The following MEF2A variants were observed in gnomAD, a reference collection of about 807,000 sequenced individuals.
The protein encoded by MEF2A is myocyte-specific enhancer factor 2A.
In MEF2A, 28 loss-of-function variants were observed where a neutral mutation model predicts 55.8. The ratio of observed to expected loss-of-function variants is 0.50; its 90% confidence interval spans 0.37 to 0.69. MEF2A has a LOEUF of 0.69. Among genes scored for constraint, MEF2A ranks in the 30% least tolerant of loss-of-function variants. The probability of loss-of-function intolerance (pLI) is 0.00; values close to 1 mark genes in which losing one functional copy is unlikely to be tolerated. For missense variants in MEF2A, 528 were observed against 626.2 expected (o/e 0.84, Z 1.67); for synonymous variants, 239 against 227.1 (o/e 1.05, Z -0.47).
In MEF2A at chr15:99,712,672, C is replaced by T. The variant is rs752786067; in HGVS notation, c.1419C>T (p.Gly473=). 14 of 1,558,024 alleles carry T rather than the reference C, an allele frequency of 9.0e-6. No individual in the cohort carries two copies. The highest frequency in any genetic ancestry group is 7.2e-5 in the East Asian group (3 of 41,398). ...YDGSDREDPR[G]DFHSPIVLGR... Reference sequence around the variant, plus strand: ...GCAGTGATCGGGAGGATCCACGGGGCGACTTCCATTCTCCAATTGTGCTTG... The same window carrying T: ...GCAGTGATCGGGAGGATCCACGGGGTGACTTCCATTCTCCAATTGTGCTTG... The change falls in exon 12 of 12, where the codon GGC becomes GGT. Residue 473 remains glycine (G), a synonymous_variant. Transcript: ENST00000557942. This position sits in a 1 kb window ranked among gnomAD's most constrained non-coding sequence, Gnocchi z 4.1.
In MEF2A at chr15:99,712,395, G is replaced by C. The variant is rs886153299; in HGVS notation, c.1142G>C (p.Gly381Ala). ...CTCTCTTTTTTTTCCTTCAGTGCTGGAGGGCAGTTATCTCAGGGTTCCAAT... is the reference window on the plus strand; with the variant it reads ...CTCTCTTTTTTTTCCTTCAGTGCTGCAGGGCAGTTATCTCAGGGTTCCAAT... Reference protein sequence around the residue: ...GQAALSSLVAGGQLSQGSNLS... With the variant: ...GQAALSSLVAAGQLSQGSNLS... Residue 381 changes from glycine to alanine, a missense_variant, in exon 12 of 12, where the codon GGA (glycine) becomes GCA (alanine). Around this residue, in one of 2 missense-constraint regions of MEF2A, gnomAD observed 450 missense variants for 475.3 expected, o/e 0.95. Coordinates refer to ENST00000557942, the MANE Select transcript of MEF2A (RefSeq NM_001319206.4). The surrounding 1 kb of genome is among the most constrained non-coding windows in gnomAD (Gnocchi z 4.1). 6.5e-7 allele frequency: 1 copy of C among 1,534,278 alleles called. No individual in the cohort carries two copies. Among genetic ancestry groups the C allele is most frequent in the African/African-American group, 1.4e-5 (1 of 72,724 alleles).
intron 2 of MEF2A, chr15:99,621,135 G>T (rs147152409): frequency 2.6e-5 from 4 of 152,210 alleles, no homozygotes; most frequent in African/African-American, 9.7e-5. Flanking sequence ...GTGAGCCACT[G>T]CGCCTGGCCA....
chr15:99,577,479 T>C (rs1325316591), intron 1 of MEF2A, among the ~76,000 whole-genome samples: 4 of 152,188 alleles, frequency 2.6e-5, no homozygotes, highest in African/African-American at 9.7e-5. Flanking sequence ...GTGTAATAGA[T>C]GTGTACGATG....
intron 7 of MEF2A, among the ~76,000 whole-genome samples, chr15:99,682,570 T>TA (rs1454034206): frequency 2.0e-5 from 3 of 152,212 alleles, no homozygotes; most frequent in Non-Finnish European, 4.4e-5. Context: ...CACTGCACTC[T>TA]ACAAAATAAC....
intron 8 of MEF2A, among the ~76,000 whole-genome samples, chr15:99,699,918 A>G (rs889002043): frequency 1.2e-4 from 18 of 151,020 alleles, no homozygotes; most frequent in Non-Finnish European, 2.1e-4. Flanking sequence ...CCTGTGTTTC[A>G]GGGTTATAGT....
chr15:99,674,393 C>G lies in MEF2A; in HGVS notation c.391C>G (p.Pro131Ala). Residue 131 changes from proline to alanine, a missense_variant and splice_region_variant, in exon 6 of 12, where the codon CCT becomes GCT. This residue lies in a region of MEF2A where 450 missense variants were observed against 475.3 expected (regional missense o/e 0.95). Coordinates refer to ENST00000557942, the MANE Select transcript of MEF2A (RefSeq NM_001319206.4). The part of the protein sequence containing the change: ...DSDFIFKRGP[P>A]GLPPQNFSMS... ...TTTCCTTCTTTTTCTTTATTTACAG[C>G]CTGGTCTGCCACCTCAGAACTTTTC... 4 of 1,594,806 alleles carry G rather than the reference C, an allele frequency of 2.5e-6. No individual in the cohort carries two copies. The highest frequency in any genetic ancestry group is 2.6e-6 in the Non-Finnish European group (3 of 1,166,802).
At chr15:99,646,247 G>A (rs959745947) in intron 4 of MEF2A, among the ~76,000 whole-genome samples, 1 of 152,054 alleles carries the variant, frequency 6.6e-6, no homozygotes, top group Admixed American at 6.6e-5. Context: ...TTTATCTGCT[G>A]CCTATTTGAT....
intron 4 of MEF2A, among the ~76,000 whole-genome samples, chr15:99,652,096 A>G (rs1300125363): frequency 1.3e-5 from 2 of 152,144 alleles, no homozygotes; most frequent in African/African-American, 2.4e-5. Flanking sequence ...AGAAGAGGAG[A>G]TAAAGAGGAT....
chr15:99,629,847 G>A (rs2042659259), intron 2 of MEF2A, among the ~76,000 whole-genome samples: 2 of 152,128 alleles, frequency 1.3e-5, no homozygotes, highest in African/African-American at 4.8e-5. Context: ...GGCTGAGGCA[G>A]GAGAATCGCT....
intron 2 of MEF2A, among the ~76,000 whole-genome samples, chr15:99,624,818 G>A (rs1022266324): frequency 1.3e-5 from 2 of 152,068 alleles, no homozygotes; most frequent in East Asian, 3.9e-4. Context: ...CTTTCCATTT[G>A]TTTATGTCTT....
At chr15:99,607,007 A>G (rs1483547544) in intron 2 of MEF2A, among the ~76,000 whole-genome samples, 1 of 152,216 alleles carries the variant, frequency 6.6e-6, no homozygotes, top group Non-Finnish European at 1.5e-5. Flanking sequence ...AACTATAGCT[A>G]TGGATAAATA....
intron 1 of MEF2A, among the ~76,000 whole-genome samples, chr15:99,592,804 C>T (rs1261023951): frequency 1.3e-5 from 2 of 152,038 alleles, no homozygotes. Flanking sequence ...ACATCTGCTC[C>T]CATGACCCAA....
chr15:99,656,892 C>T (rs28589335), intron 4 of MEF2A, among the ~76,000 whole-genome samples: 6 of 152,176 alleles, frequency 3.9e-5, no homozygotes, highest in African/African-American at 1.2e-4. Context: ...CAACCATGAA[C>T]GCTATCTAAT....
chr15:99,629,286 G>A (rs112032286), intron 2 of MEF2A, among the ~76,000 whole-genome samples: 4,752 of 152,058 alleles, frequency 0.031, 91 homozygotes, highest in Middle Eastern at 0.11. Context: ...TTGAACACTC[G>A]AACAAAGGAT....
intron 6 of MEF2A, 89 bp downstream of exon 6, chr15:99,674,701 C>A: frequency 9.2e-7 from 1 of 1,081,828 alleles, no homozygotes; most frequent in Non-Finnish European, 1.4e-6. Flanking sequence ...TTTTGCTATT[C>A]TTTTATTGCT....
At chr15:99,586,517 G>C (rs1033526914) in intron 1 of MEF2A, among the ~76,000 whole-genome samples, 3 of 151,794 alleles carry the variant, frequency 2.0e-5, no homozygotes, top group African/African-American at 7.3e-5. Context: ...TTTTTAATAG[G>C]GTTATTTGCC....
chr15:99,689,116 G>A (rs1271125343), intron 7 of MEF2A, among the ~76,000 whole-genome samples: 1 of 152,164 alleles, frequency 6.6e-6, no homozygotes, highest in Non-Finnish European at 1.5e-5. Flanking sequence ...ATCACAATGT[G>A]CATTTTTCCT....
chr15:99,646,232 CTTTG>C (rs1035658207), intron 4 of MEF2A, among the ~76,000 whole-genome samples: 35 of 152,024 alleles, frequency 2.3e-4, no homozygotes, highest in African/African-American at 7.2e-4. Flanking sequence ...TCCTCATTTT[CTTTG>C]TTTATCTGCT....
In MEF2A at chr15:99,675,476, C is replaced by T; in HGVS notation, c.670+18C>T. ...TCCAGTGGGTGAGTGAATTCCTACT[C>T]TTCTGTTTTGTAGGTATCTATCCTA... On this transcript the variant is annotated intron_variant, in intron 7 of 11. Coordinates refer to ENST00000557942, the MANE Select transcript of MEF2A (RefSeq NM_001319206.4). 6.2e-7 allele frequency: 1 copy of T among 1,607,022 alleles called. No homozygotes were observed. Among genetic ancestry groups the T allele is most frequent in the Non-Finnish European group, 8.5e-7 (1 of 1,173,592 alleles).
Sources: allele counts gnomAD v4.1 joint callset (sites outside exome capture counted in the v4.1 genomes callset), GRCh38; gene constraint gnomAD v4.1.1; regional missense constraint gnomAD v4.1.1; non-coding constraint Gnocchi (gnomAD v3.1); transcripts MANE v1.5; gene names NCBI Gene and HGNC (gene_info 2026-07-23, HGNC 2026-07-21).